EPB41: variants seen among roughly 807,000 people sequenced by gnomAD.
EPB41 encodes the protein erythrocyte membrane protein band 4.1.
A neutral mutation model predicts 108.0 loss-of-function variants in EPB41; 65 were observed. That is an observed-to-expected ratio of 0.60 (90% confidence interval 0.49 to 0.74). The LOEUF is 0.74. Ranked by LOEUF, EPB41 falls within the 30% of genes least tolerant of loss-of-function variation. The probability of loss-of-function intolerance (pLI) is 0.00; values close to 1 mark genes in which losing one functional copy is unlikely to be tolerated. For missense variants in EPB41, 875 were observed against 1,037.0 expected (o/e 0.84, Z 2.15); for synonymous variants, 336 against 358.9 (o/e 0.94, Z 0.72).
intron 3 of EPB41, among the ~76,000 whole-genome samples, chr1:28,994,164 A>T (rs2096099022): frequency 6.7e-6 from 1 of 148,300 alleles, no homozygotes; most frequent in South Asian, 2.1e-4. Flanking sequence ...CAAGTTGACA[A>T]TTTTTTTTTT....
chr1:29,061,553 G>GC (rs1418624069), intron 15 of EPB41, among the ~76,000 whole-genome samples: 1 of 146,450 alleles, frequency 6.8e-6, no homozygotes, highest in Non-Finnish European at 1.5e-5. Flanking sequence ...ACAGGCGTGA[G>GC]CCACTGCGCC....
chr1:28,941,894 CAAAAAAAAAAAA>C (rs58524634), intron 1 of EPB41, among the ~76,000 whole-genome samples: 29 of 64,872 alleles, frequency 4.5e-4, no homozygotes, highest in Non-Finnish European at 6.9e-4. Flanking sequence ...AGCTCTGTCT[CAAAAAAAAAAAA>C]AAAAAAAAAG....
chr1:28,942,721 C>G (rs541852082), intron 1 of EPB41, among the ~76,000 whole-genome samples: 1 of 152,208 alleles, frequency 6.6e-6, no homozygotes, highest in South Asian at 2.1e-4. Flanking sequence ...GCTCCTTTAC[C>G]CTCCCTGGAG....
chr1:29,065,268 G>T, intron 16 of EPB41, 110 bp downstream of exon 16: 1 of 1,423,786 alleles, frequency 7.0e-7, no homozygotes, highest in Admixed American at 3.0e-5. Context: ...TGGATTTGGT[G>T]CCTCACTATA....
intron 11 of EPB41, among the ~76,000 whole-genome samples, chr1:29,044,889 C>G (rs902649721): frequency 3.3e-5 from 5 of 152,102 alleles, no homozygotes; most frequent in African/African-American, 7.2e-5. Context: ...CATTCTTTCC[C>G]TACTGCATTC....
intron 16 of EPB41, among the ~76,000 whole-genome samples, chr1:29,094,613 A>G (rs761044083): frequency 1.3e-5 from 2 of 152,190 alleles, no homozygotes; most frequent in Non-Finnish European, 2.9e-5. Flanking sequence ...CGTTGTAGCG[A>G]TCTTTCACCT....
chr1:29,093,760 C>T (rs1414633354), intron 16 of EPB41, among the ~76,000 whole-genome samples: 1 of 152,098 alleles, frequency 6.6e-6, no homozygotes, highest in Non-Finnish European at 1.5e-5. Context: ...CAAAAATTAG[C>T]CGTGCGTGGT....
intron 16 of EPB41, among the ~76,000 whole-genome samples, chr1:29,082,326 G>A (rs1348374261): frequency 1.3e-5 from 2 of 152,146 alleles, no homozygotes; most frequent in African/African-American, 4.8e-5. Context: ...GTTTCACCAG[G>A]TTGGTCAGGC....
chr1:29,072,545 A>G (rs1405607486), intron 16 of EPB41: 1 of 152,170 alleles, frequency 6.6e-6, no homozygotes, highest in Non-Finnish European at 1.5e-5. Flanking sequence ...TATTGGAGTT[A>G]TTCCAAGTCC....
At chr1:28,911,153 C>A, upstream of EPB41, 1 of 985,448 alleles carries the variant, frequency 1.0e-6, no homozygotes, top group Non-Finnish European at 1.2e-6. Flanking sequence ...TATACCCCCA[C>A]ATCTTCCTAT....
rs1237098142 is a variant in EPB41 at position 29,116,887 on chromosome 1, C to T, written c.*75C>T. The T allele has an allele frequency of 6.6e-6, 1 of 152,250 alleles. No homozygotes were observed. The highest frequency in any genetic ancestry group is 6.5e-5 in the Admixed American group (1 of 15,280). The allele number at this position is 152,250 out of a possible 1,614,324, so 9.4% of individuals were successfully genotyped here. ...ACCAGCAAAATGATAAAGAAGCTAA[C>T]CTGCCATAGTCAGACTTCAGACTTT... On this transcript the variant is annotated 3_prime_UTR_variant, in exon 21 of 21. Coordinates refer to ENST00000343067, the MANE Select transcript of EPB41 (RefSeq NM_001376013.1).
At chr1:28,995,991 G>A (rs967448294) in intron 3 of EPB41, among the ~76,000 whole-genome samples, 12 of 152,124 alleles carry the variant, frequency 7.9e-5, no homozygotes, top group African/African-American at 1.2e-4. Context: ...TGTCATATAT[G>A]TTTGCCCAAA....
intron 1 of EPB41, among the ~76,000 whole-genome samples, chr1:28,945,993 G>A (rs2094474996): frequency 6.6e-6 from 1 of 152,100 alleles, no homozygotes; most frequent in Non-Finnish European, 1.5e-5. Flanking sequence ...TATGATGTAT[G>A]GGAAATTCAT....
intron 16 of EPB41, among the ~76,000 whole-genome samples, chr1:29,082,428 G>A (rs947271840): frequency 6.6e-6 from 1 of 152,050 alleles, no homozygotes; most frequent in Admixed American, 6.5e-5. Flanking sequence ...CTAACCTCAA[G>A]GTAACTGTTT....
At position 29,119,892 on chromosome 1, in the gene EPB41, G is replaced by GAATC. The variant is rs1671623146; in HGVS notation, c.*3082_*3085dup. 2 of 152,658 alleles carry GAATC rather than the reference G, an allele frequency of 1.3e-5. No homozygotes were observed. Among genetic ancestry groups the GAATC allele is most frequent in the African/African-American group, 4.8e-5 (2 of 41,468 alleles). 9.5% of individuals were successfully genotyped at this position (152,658 alleles called of 1,614,324 possible). A position where few individuals can be genotyped will look rare whatever the true frequency, so the allele number is the denominator to read the frequency against. On this transcript the variant is annotated 3_prime_UTR_variant, in exon 21 of 21. Coordinates refer to ENST00000343067, the MANE Select transcript of EPB41 (RefSeq NM_001376013.1). The stretch of plus-strand genomic sequence containing the variant: ...TGAAAAAATAGGAACTCGGGCAGCA[G>GAATC]AATCAGATTGGCAGAATCTTTAGAC...
chr1:29,028,067 G>A (rs1305769295), intron 7 of EPB41, among the ~76,000 whole-genome samples: 1 of 151,960 alleles, frequency 6.6e-6, no homozygotes, highest in Non-Finnish European at 1.5e-5. Flanking sequence ...CAGGTGATCC[G>A]CCTGCCTCGG....
chr1:29,016,122 G>GT (rs981097218), intron 6 of EPB41, among the ~76,000 whole-genome samples: 1 of 151,960 alleles, frequency 6.6e-6, no homozygotes, highest in African/African-American at 2.4e-5. Flanking sequence ...TTTTTTGTTT[G>GT]TTTTTTGGGG....
rs560767302 is a variant in EPB41 at position 29,040,135 on chromosome 1, A to G, written c.1636+709A>G. 1.7e-4 allele frequency among the ~76,000 whole-genome samples: 26 copies of G among 152,240 alleles called. 2 individuals carry two copies. The South Asian group carries it at 5.0e-3, about 29-fold the overall frequency. On this transcript the variant is annotated intron_variant, in intron 11 of 20. Transcript: ENST00000343067. The stretch of plus-strand genomic sequence containing the variant: ...AGGATAGCTTGAGCCCAGGAGGTGG[A>G]GGCTGCAGTGTGCACCTCTGTACTC...
At chr1:29,029,666 AGAG>A (rs1232115074) in intron 7 of EPB41, among the ~76,000 whole-genome samples, 6 of 152,234 alleles carry the variant, frequency 3.9e-5, no homozygotes, top group Non-Finnish European at 7.3e-5. Context: ...GGAAATTTAT[AGAG>A]GAGAAGAAAA....
Sources: allele counts gnomAD v4.1 joint callset (sites outside exome capture counted in the v4.1 genomes callset), GRCh38; gene constraint gnomAD v4.1.1; transcripts MANE v1.5; gene names NCBI Gene and HGNC (gene_info 2026-07-23, HGNC 2026-07-21).